AP1G1: variants seen among roughly 807,000 people sequenced by gnomAD.
The protein encoded by AP1G1 is AP-1 complex subunit gamma-1.
In AP1G1, 7 loss-of-function variants were observed where a neutral mutation model predicts 108.3. That is an observed-to-expected ratio of 0.06 (90% CI 0.04 to 0.12). The LOEUF is 0.12. Ranked by LOEUF, AP1G1 falls within the 10% of genes least tolerant of loss-of-function variation. The pLI is 1.00. For synonymous variants in AP1G1, 379 were observed against 353.5 expected, an observed-to-expected ratio of 1.07 and a Z score of -0.81; for missense variants, 756 against 1,010.7, an observed-to-expected ratio of 0.75 and a Z score of 3.42.
intron 16 of AP1G1, among the ~76,000 whole-genome samples, chr16:71,747,946 G>A (rs1157308849): frequency 6.6e-6 from 1 of 152,200 alleles, no homozygotes; most frequent in Non-Finnish European, 1.5e-5. Context: ...TGGCGCCACT[G>A]CACCCCATCC....
chr16:71,771,023 C>T, intron 5 of AP1G1, 133 bp downstream of exon 5: 1 of 495,066 alleles, frequency 2.0e-6, no homozygotes, highest in Non-Finnish European at 3.5e-6. Flanking sequence ...ACCAGACCTT[C>T]CTGGAAAAGT....
intron 2 of AP1G1, among the ~76,000 whole-genome samples, chr16:71,786,790 C>T (rs925653573): frequency 1.3e-5 from 2 of 151,940 alleles, no homozygotes; most frequent in African/African-American, 4.8e-5. Context: ...TGACCGGGCA[C>T]AATAGTGCAC....
intron 1 of AP1G1, chr16:71,808,466 C>A (rs2142298680): frequency 8.2e-7 from 1 of 1,220,100 alleles, no homozygotes; most frequent in Non-Finnish European, 1.1e-6. Flanking sequence ...CCTCAAAGAT[C>A]GCAGCCTGAG....
At chr16:71,752,494 T>C (rs1296689636) in intron 13 of AP1G1, among the ~76,000 whole-genome samples, 1 of 152,190 alleles carries the variant, frequency 6.6e-6, no homozygotes, top group Non-Finnish European at 1.5e-5. Context: ...ATTTCAATGA[T>C]ATAATTTTCT....
At chr16:71,779,985 GTTTTTTTTTGT>G (rs2031944582) in intron 2 of AP1G1, among the ~76,000 whole-genome samples, 2 of 139,428 alleles carry the variant, frequency 1.4e-5, no homozygotes, top group Admixed American at 7.2e-5. Flanking sequence ...TTTTGTTTCA[GTTTTTTTTTGT>G]TTTTTTTTTT....
At chr16:71,803,145 T>TAG (rs1209774674) in intron 1 of AP1G1, among the ~76,000 whole-genome samples, 1 of 150,914 alleles carries the variant, frequency 6.6e-6, no homozygotes, top group Non-Finnish European at 1.5e-5. Context: ...ACCCAGGAGG[T>TAG]AGAGGCTGTA....
chr16:71,786,809 T>C (rs1336020715), intron 2 of AP1G1, among the ~76,000 whole-genome samples: 1 of 152,014 alleles, frequency 6.6e-6, no homozygotes, highest in African/African-American at 2.4e-5. Flanking sequence ...ACGCCTGTAA[T>C]CTCAGTACTT....
chr16:71,735,925 G>A lies in AP1G1; in HGVS notation c.2269-1218C>T, dbSNP rs1318691426. Among the ~76,000 whole-genome samples, 7 of 150,398 alleles carry A rather than the reference G, an allele frequency of 4.7e-5. No homozygotes were observed. The South Asian group carries it at 1.1e-3, about 23-fold the overall frequency. ...GCGGGCAGATCACCTGAGGTCAGGA[G>A]ATCTAGATTAGTCTGGTCAACATGG... On this transcript the variant is annotated intron_variant, in intron 21 of 22. Coordinates refer to ENST00000299980, the MANE Select transcript of AP1G1 (RefSeq NM_001128.6).
chr16:71,761,341 T>C (rs936751379), intron 10 of AP1G1, among the ~76,000 whole-genome samples, 171 bp downstream of exon 10: 1 of 152,186 alleles, frequency 6.6e-6, no homozygotes, highest in African/African-American at 2.4e-5. Flanking sequence ...TGCCATGAGA[T>C]AAATCCTCAA....
chr16:71,753,903 G>A lies in AP1G1; in HGVS notation c.1230-16C>T. The A allele has an allele frequency of 6.2e-7, 1 of 1,612,734 alleles. No individual in the cohort carries two copies. The highest frequency in any genetic ancestry group is 8.5e-7 in the Non-Finnish European group (1 of 1,178,958). On this transcript the variant is annotated splice_polypyrimidine_tract_variant and intron_variant, in intron 12 of 22. Coordinates refer to ENST00000299980, the MANE Select transcript of AP1G1 (RefSeq NM_001128.6). ...AGGTGCATACCTGAAAAAAACAATG[G>A]AAAGGGACACTTGGAACCAGTAAAA...
At chr16:71,751,193 A>G (rs1339817488) in intron 13 of AP1G1, 1 of 151,936 alleles carries the variant, frequency 6.6e-6, no homozygotes, top group African/African-American at 2.4e-5. Flanking sequence ...GTCCAAATTA[A>G]AAAAGGAAGG....
At chr16:71,756,896 A>G (rs1269554122) in intron 11 of AP1G1, among the ~76,000 whole-genome samples, 1 of 146,398 alleles carries the variant, frequency 6.8e-6, no homozygotes, top group Non-Finnish European at 1.5e-5. Flanking sequence ...GAAGTGAGGC[A>G]CTCCAGCCTC....
intron 12 of AP1G1, among the ~76,000 whole-genome samples, chr16:71,754,390 G>A (rs1371732819): frequency 2.0e-5 from 3 of 152,094 alleles, no homozygotes; most frequent in Non-Finnish European, 4.4e-5. Context: ...GAAAAGAAAA[G>A]AGAAGAAAAT....
rs114420663 is a variant in AP1G1, at chr16:71,755,331, G to T, written c.1229+688C>A. 4.6e-3 allele frequency among the ~76,000 whole-genome samples: 707 copies of T among 152,192 alleles called. 5 individuals carry two copies. Among genetic ancestry groups the T allele is most frequent in the African/African-American group, 0.016 (658 of 41,552 alleles). Reference sequence around the variant, plus strand: ...GTAAGCCTATGGTCCCAGCTACTTGGGGGGCTGAGGCAGGAGGATCCCCTG... The same window carrying T: ...GTAAGCCTATGGTCCCAGCTACTTGTGGGGCTGAGGCAGGAGGATCCCCTG... On this transcript the variant is annotated intron_variant, in intron 12 of 22. Coordinates refer to ENST00000299980, the MANE Select transcript of AP1G1 (RefSeq NM_001128.6).
chr16:71,779,998 T>G (rs1426530561), intron 2 of AP1G1, among the ~76,000 whole-genome samples: 11 of 149,630 alleles, frequency 7.4e-5, no homozygotes, highest in Admixed American at 2.0e-4. Flanking sequence ...TTTTTTTGTT[T>G]TTTTTTTTTT....
At position 71,732,275 on chromosome 16, in the gene AP1G1, A is replaced by C. The variant is rs1284747631; in HGVS notation, c.*783T>G. The C allele has an allele frequency of 6.6e-6, 1 of 152,620 alleles. No homozygotes were observed. The highest frequency in any genetic ancestry group is 2.4e-5 in the African/African-American group (1 of 41,452). 9.5% of individuals were successfully genotyped at this position (152,620 alleles called of 1,614,324 possible). ...TGGAGACTATTCATGACTACAGCTA[A>C]AGAATGGCGAGAAAGGGGAGCTGGA... On this transcript the variant is annotated 3_prime_UTR_variant, in exon 23 of 23. Coordinates refer to ENST00000299980, the MANE Select transcript of AP1G1 (RefSeq NM_001128.6).
chr16:71,769,481 GC>G (rs1354255307), intron 6 of AP1G1, 141 bp downstream of exon 6: 1 of 770,836 alleles, frequency 1.3e-6, no homozygotes. Flanking sequence ...TGGCTTCCAG[GC>G]CAATTGCATA....
intron 6 of AP1G1, among the ~76,000 whole-genome samples, chr16:71,767,173 C>A (rs181378625): frequency 6.6e-6 from 1 of 152,064 alleles, no homozygotes; most frequent in African/African-American, 2.4e-5. Flanking sequence ...GCCAAAAAGG[C>A]CAGCACATCA....
chr16:71,794,835 C>CTTTTTTTTTTTTTTTTTTTTTTT (rs55761928), intron 1 of AP1G1, among the ~76,000 whole-genome samples: 3 of 39,658 alleles, frequency 7.6e-5, no homozygotes, highest in African/African-American at 1.0e-4. Flanking sequence ...ATGAGAAGTG[C>CTTTTTTTTTTTTTTTTTTTTTTT]TTTTTTTTTT....
Sources: gnomAD v4.1 joint callset for allele counts (sites outside exome capture counted in the v4.1 genomes callset) on GRCh38, gnomAD v4.1.1 for gene constraint, MANE v1.5 for transcripts, NCBI Gene and HGNC (gene_info 2026-07-23, HGNC 2026-07-21) for gene names.